Variants in DVL1 observed in about 807,000 individuals in gnomAD.
DVL1 encodes the protein dishevelled segment polarity protein 1.
DVL1 carries 49 observed loss-of-function variants against 65.0 expected under a neutral mutation model. The ratio of observed to expected loss-of-function variants is 0.75; its 90% CI spans 0.60 to 0.96. The LOEUF (loss-of-function observed/expected upper bound fraction) is 0.96. Ranked by LOEUF, DVL1 falls within the 40% of genes least tolerant of loss-of-function variation. The pLI, the probability that DVL1 is intolerant of heterozygous loss-of-function variation, is 0.00. For synonymous variants in DVL1, 608 were observed against 433.9 expected (o/e 1.40, Z -4.99); for missense variants, 1,197 against 1,045.4 (o/e 1.15, Z -2.00).
intron 14 of DVL1, chr1:1,337,669 TCCCA>T (rs1424038755): frequency 3.6e-6 from 2 of 554,138 alleles, no homozygotes; most frequent in East Asian, 7.2e-5. Flanking sequence ...CTCATCCCAA[TCCCA>T]CCCAGATGAG....
chr1:1,343,429 G>T (rs565541247), intron 1 of DVL1, among the ~76,000 whole-genome samples: 1 of 152,080 alleles, frequency 6.6e-6, no homozygotes, highest in Admixed American at 6.5e-5. Flanking sequence ...CAGACCAGCC[G>T]CCCACCCCTC....
At chr1:1,341,549 T>C (rs1643828410) in intron 5 of DVL1, 118 bp downstream of exon 5, 4 of 1,293,636 alleles carry the variant, frequency 3.1e-6, no homozygotes, top group South Asian at 1.6e-5. Flanking sequence ...GGCACACACA[T>C]GCACACACAC....
At position 1,336,256 on chromosome 1, in the gene DVL1, G is replaced by T. The variant is rs34935417; in HGVS notation, c.1974C>A (p.Pro658=). The T allele has an allele frequency of 3.2e-6, 5 of 1,559,544 alleles. No homozygotes were observed. The African/African-American group carries it at 4.0e-5, about 13-fold the overall frequency. ...TKAYTVVGGP[P]GGPPVRELAA... ...CCAGCTCCCGGACAGGGGGTCCCCCGGGTGGCCCCCCCACCACTGTATAGG... is the reference window on the plus strand; with the variant it reads ...CCAGCTCCCGGACAGGGGGTCCCCCTGGTGGCCCCCCCACCACTGTATAGG... The change falls in exon 15 of 15, where the codon CCC becomes CCA. Residue 658 remains proline (P), a synonymous_variant. Coordinates refer to ENST00000378888, the MANE Select transcript of DVL1 (RefSeq NM_001330311.2).
Position 1,340,004 on chromosome 1 carries a change from G to A in DVL1, c.909+34C>T. 7 of 1,588,316 alleles carry A rather than the reference G, an allele frequency of 4.4e-6. No individual in the cohort carries two copies. The South Asian group carries it at 7.8e-5, about 18-fold the overall frequency. On this transcript the variant is annotated intron_variant, in intron 8 of 14. Coordinates refer to ENST00000378888, the MANE Select transcript of DVL1 (RefSeq NM_001330311.2). ...CAAAGTCCCCACGGACCCACCCGCA[G>A]CTACATGTCACCCCGCAGCCCCCAC...
chr1:1,347,605 G>A (rs187877479), intron 1 of DVL1, among the ~76,000 whole-genome samples: 2 of 152,330 alleles, frequency 1.3e-5, no homozygotes, highest in African/African-American at 4.8e-5. Context: ...ACTTTCGTTA[G>A]AATAATAAAC....
Position 1,349,148 on chromosome 1 carries a change from G to T in DVL1, c.-83C>A. The T allele has an allele frequency of 2.5e-6, 2 of 811,124 alleles. No homozygotes were observed. Among genetic ancestry groups the T allele is most frequent in the Non-Finnish European group, 1.5e-6 (1 of 674,272 alleles). 50.2% of individuals were successfully genotyped at this position (811,124 alleles called of 1,614,324 possible). On this transcript the variant is annotated 5_prime_UTR_variant, in exon 1 of 15. Transcript: ENST00000378888. This position sits in a 1 kb window ranked among gnomAD's most constrained non-coding sequence, Gnocchi z 4.1. ...GGGCGCTACCCGCCCGCCCGCCTGCGCCCCGCCCGGCCCGCACCGCTCTCG... is the reference window on the plus strand; with the variant it reads ...GGGCGCTACCCGCCCGCCCGCCTGCTCCCCGCCCGGCCCGCACCGCTCTCG...
chr1:1,337,736 A>C lies in DVL1; in HGVS notation c.1714+241T>G, dbSNP rs307371. ...ACGCTTCCCTGTCCTCCCCATTCAC[A>C]CTGGCTCCTGGATCCCCCTGGCACT... On this transcript the variant is annotated intron_variant, in intron 14 of 14. Transcript: ENST00000378888. The C allele has an allele frequency of 1.7e-5, 12 of 693,188 alleles. No homozygotes were observed. The South Asian group carries it at 1.8e-4, about 10-fold the overall frequency. 42.9% of individuals were successfully genotyped at this position (693,188 alleles called of 1,614,324 possible).
intron 1 of DVL1, among the ~76,000 whole-genome samples, chr1:1,344,654 C>G (rs1035107532): frequency 6.6e-6 from 1 of 152,182 alleles, no homozygotes; most frequent in Non-Finnish European, 1.5e-5. Context: ...ACGTCTGCTG[C>G]CCCCACACAG....
intron 1 of DVL1, among the ~76,000 whole-genome samples, chr1:1,347,892 G>C (rs1487677380): frequency 6.6e-6 from 1 of 152,196 alleles, no homozygotes; most frequent in Non-Finnish European, 1.5e-5. Context: ...CAGCTGTCTA[G>C]ATGTCCCTTG....
chr1:1,337,231 C>G (rs1219092173), intron 14 of DVL1, among the ~76,000 whole-genome samples: 4 of 152,142 alleles, frequency 2.6e-5, no homozygotes, highest in Non-Finnish European at 5.9e-5. Flanking sequence ...GGTCCCACAC[C>G]CTCTGGCCGC....
intron 1 of DVL1, among the ~76,000 whole-genome samples, chr1:1,346,145 C>G (rs528033984): frequency 4.6e-5 from 7 of 152,148 alleles, no homozygotes; most frequent in Admixed American, 3.9e-4. Context: ...GAACTCCCCC[C>G]ACAGCCCAGG....
At position 1,339,404 on chromosome 1, in the gene DVL1, G is replaced by T; in HGVS notation, c.1090C>A (p.Leu364Met). Residue 364 changes from leucine to methionine, a missense_variant, in exon 11 of 15, where the codon CTG becomes ATG. Physicochemically the swap from Leu to Met is conservative, Grantham distance 15. Transcript: ENST00000378888. Reference protein sequence around the residue: ...PVRPIDPAAWLSHTAALTGAL... With the variant: ...PVRPIDPAAWMSHTAALTGAL... ...CCTGTCAGTGCCGCCGTGTGGGACA[G>T]CCAGGCGGCGGGGTCGATGGGCCGC... 6.5e-7 allele frequency: 1 copy of T among 1,548,954 alleles called. No homozygotes were observed. Among genetic ancestry groups the T allele is most frequent in the Non-Finnish European group, 8.7e-7 (1 of 1,146,630 alleles).
At chr1:1,337,254 G>A (rs1643609423) in intron 14 of DVL1, among the ~76,000 whole-genome samples, 1 of 152,060 alleles carries the variant, frequency 6.6e-6, no homozygotes, top group Non-Finnish European at 1.5e-5. Flanking sequence ...CTCCTCTCTC[G>A]CCCTCCTTCC....
rs1643979066 is a variant in DVL1, at chr1:1,349,307, G to A, written c.-242C>T. ...CCCATCCGCCCCCGGCCCGGGAGCG[G>A]CGCGAGGGACGCAGCACGGAGGGCG... On this transcript the variant is annotated 5_prime_UTR_variant, in exon 1 of 15. Transcript: ENST00000378888. This position sits in a 1 kb window ranked among gnomAD's most constrained non-coding sequence, Gnocchi z 4.1. The A allele has an allele frequency of 1.4e-5, 2 of 145,466 alleles. No homozygotes were observed. The allele number at this position is 145,466 out of a possible 1,614,324, so 9.0% of individuals were successfully genotyped here.
At chr1:1,338,229 T>TACC in intron 13 of DVL1, 40 bp downstream of exon 13, 1 of 1,522,372 alleles carries the variant, frequency 6.6e-7, no homozygotes, top group Non-Finnish European at 9.0e-7. Flanking sequence ...CCTCCGGCGT[T>TACC]CCCCTCCCCC....
In DVL1 at chr1:1,340,356, G is replaced by A. The variant is rs1214080037; in HGVS notation, c.700-40C>T. 1.9e-6 allele frequency: 3 copies of A among 1,613,530 alleles called. 1 individual carries two copies. Among genetic ancestry groups the A allele is most frequent in the East Asian group, 4.5e-5 (2 of 44,850 alleles). The stretch of plus-strand genomic sequence containing the variant: ...GGGCGTGTGTAAAAGGCACGGGGCT[G>A]CCCGACACTGACTTCGCCTCCCCAG... On this transcript the variant is annotated intron_variant, in intron 6 of 14. Transcript: ENST00000378888.
At chr1:1,347,919 C>T (rs1557675390) in intron 1 of DVL1, among the ~76,000 whole-genome samples, 1 of 152,188 alleles carries the variant, frequency 6.6e-6, no homozygotes, top group African/African-American at 2.4e-5. Context: ...CCTGAGAGCT[C>T]CAGAGCGGAC....
Position 1,348,512 on chromosome 1 carries a change from A to G in DVL1, c.170+384T>C, listed in dbSNP as rs187624033. Among the ~76,000 whole-genome samples the G allele has an allele frequency of 1.8e-3, 277 of 152,188 alleles. 1 individual carries two copies. Among genetic ancestry groups the G allele is most frequent in the African/African-American group, 6.3e-3 (260 of 41,512 alleles). On this transcript the variant is annotated intron_variant, in intron 1 of 14. Coordinates refer to ENST00000378888, the MANE Select transcript of DVL1 (RefSeq NM_001330311.2). ...TGAACCTGTACCCCCATGTCTCCCCATCCCAGCTAGGGAACCCCACCCTGC... is the reference window on the plus strand; with the variant it reads ...TGAACCTGTACCCCCATGTCTCCCCGTCCCAGCTAGGGAACCCCACCCTGC...
At chr1:1,338,229 T>TTGGGCGCCCCC in intron 13 of DVL1, 40 bp downstream of exon 13, 1 of 1,522,370 alleles carries the variant, frequency 6.6e-7, no homozygotes, top group Non-Finnish European at 9.0e-7. Context: ...CCTCCGGCGT[T>TTGGGCGCCCCC]CCCCTCCCCC....
Sources: gnomAD v4.1 joint callset for allele counts (sites outside exome capture counted in the v4.1 genomes callset) on GRCh38, gnomAD v4.1.1 for gene constraint, Gnocchi (gnomAD v3.1) non-coding constraint, MANE v1.5 for transcripts, NCBI Gene and HGNC (gene_info 2026-07-23, HGNC 2026-07-21) for gene names.